The following NCBP1 variants were observed in gnomAD, a reference collection of about 807,000 sequenced individuals.
The protein encoded by NCBP1 is nuclear cap binding protein subunit 1.
A neutral mutation model predicts 111.7 loss-of-function variants in NCBP1; 16 were observed. The ratio of observed to expected loss-of-function variants is 0.14; its 90% confidence interval spans 0.10 to 0.22. The LOEUF (loss-of-function observed/expected upper bound fraction) is 0.22, where lower values mean the gene tolerates loss of function less well. NCBP1 is among the 10% of genes least tolerant of loss of function. The probability of loss-of-function intolerance (pLI) is 1.00; values close to 1 mark genes in which losing one functional copy is unlikely to be tolerated. For synonymous variants in NCBP1, 304 were observed against 314.3 expected, an observed-to-expected ratio of 0.97 and a Z score of 0.35; for missense variants, 607 against 957.5, an observed-to-expected ratio of 0.63 and a Z score of 4.83.
intron 1 of NCBP1, among the ~76,000 whole-genome samples, chr9:97,634,875 TCTC>T: frequency 6.6e-6 from 1 of 152,242 alleles, no homozygotes; most frequent in East Asian, 1.9e-4. Context: ...GGTTATGAAA[TCTC>T]CTTAAACTTT....
chr9:97,661,592 T>G (rs2131359830), intron 16 of NCBP1, among the ~76,000 whole-genome samples: 1 of 152,290 alleles, frequency 6.6e-6, no homozygotes, highest in Middle Eastern at 3.4e-3. Context: ...GGCCTTTGGG[T>G]ATTTATTACT....
chr9:97,668,207 G>A (rs1828066766), intron 20 of NCBP1, among the ~76,000 whole-genome samples: 1 of 152,206 alleles, frequency 6.6e-6, no homozygotes, highest in African/African-American at 2.4e-5. Flanking sequence ...ACTGGGTGAT[G>A]CTGGGAAAGT....
Position 97,668,881 on chromosome 9 carries a change from A to G in NCBP1, c.2052A>G (p.Lys684=). The G allele has an allele frequency of 6.2e-7, 1 of 1,613,940 alleles. No homozygotes were observed. The change falls in exon 21 of 23, where the codon AAA becomes AAG. Residue 684 remains lysine (K), a synonymous_variant. Coordinates refer to ENST00000375147, the MANE Select transcript of NCBP1 (RefSeq NM_002486.5). The part of the protein sequence containing the change: ...SDDDDRSSDR[K]DGVLEEQIER... ...ATGACGACAGAAGCAGTGACAGGAA[A>G]GACGGGGTTCTTGAGGAACAAATAG...
rs181515131 is a variant in NCBP1, at chr9:97,664,792, G to T, written c.1901+349G>T. Among the ~76,000 whole-genome samples the T allele has an allele frequency of 2.0e-5, 3 of 152,316 alleles. No homozygotes were observed. The East Asian group carries it at 5.8e-4, about 29-fold the overall frequency. On this transcript the variant is annotated intron_variant, in intron 19 of 22. Transcript: ENST00000375147. ...GAACTCGGGAAGGGTTCCAGCTTCAGTGGGGATGGCACCTAGAATGCACAC... is the reference window on the plus strand; with the variant it reads ...GAACTCGGGAAGGGTTCCAGCTTCATTGGGGATGGCACCTAGAATGCACAC...
At chr9:97,661,819 T>C (rs1827846884) in intron 16 of NCBP1, among the ~76,000 whole-genome samples, 1 of 148,456 alleles carries the variant, frequency 6.7e-6, no homozygotes, top group African/African-American at 2.5e-5. Flanking sequence ...GAATGGATGA[T>C]AGAATTAAGA....
chr9:97,654,930 T>C lies in NCBP1; in HGVS notation c.1221T>C (p.Thr407=). ...MLYMRLDTMN[T]TCVDRFINWF... ...ACATGCGTTTGGACACAATGAACAC[T>C]ACCTGTGTAGACAGGTACAGTAATC... Residue 407 remains threonine (T), a synonymous_variant, in exon 12 of 23, where the codon ACT becomes ACC. Transcript: ENST00000375147. 1.2e-6 allele frequency: 2 copies of C among 1,609,222 alleles called. No individual in the cohort carries two copies. The highest frequency in any genetic ancestry group is 1.1e-5 in the South Asian group (1 of 90,156).
chr9:97,669,667 T>C lies in NCBP1; in HGVS notation c.2220T>C (p.Tyr740=). The C allele has an allele frequency of 6.2e-7, 1 of 1,611,336 alleles. No individual in the cohort carries two copies. Among genetic ancestry groups the C allele is most frequent in the Non-Finnish European group, 8.5e-7 (1 of 1,177,518 alleles). The change falls in exon 22 of 23, where the codon TAT becomes TAC. Residue 740 remains tyrosine, a synonymous_variant. Transcript: ENST00000375147. The part of the protein sequence containing the change: ...TDGTSVLTPW[Y]KNCIERLQQI... ...GGACCAGTGTATTAACACCATGGTATAAGAACTGTATAGAGAGGCTGCAGC... is the reference window on the plus strand; with the variant it reads ...GGACCAGTGTATTAACACCATGGTACAAGAACTGTATAGAGAGGCTGCAGC...
chr9:97,666,790 T>C lies in NCBP1; in HGVS notation c.1929T>C (p.Ser643=), dbSNP rs1304802905. ...TGTTTGTTTGGGAAATTTTGCACTCTACAATTCGTAAGATGAACAAACATG... is the reference window on the plus strand; with the variant it reads ...TGTTTGTTTGGGAAATTTTGCACTCCACAATTCGTAAGATGAACAAACATG... ...TRLFVWEILH[S]TIRKMNKHVL... Residue 643 remains serine (S), a synonymous_variant, in exon 20 of 23, where the codon TCT becomes TCC. Transcript: ENST00000375147. 2.5e-6 allele frequency: 4 copies of C among 1,607,472 alleles called. No individual in the cohort carries two copies. Among genetic ancestry groups the C allele is most frequent in the Non-Finnish European group, 3.4e-6 (4 of 1,177,934 alleles).
intron 1 of NCBP1, among the ~76,000 whole-genome samples, chr9:97,639,095 T>C (rs1464327768): frequency 3.9e-5 from 6 of 152,182 alleles, no homozygotes; most frequent in African/African-American, 7.2e-5. Context: ...GTGCCACACA[T>C]GTCTACAACT....
At chr9:97,655,914 A>C in intron 13 of NCBP1, 97 bp from the exon 14 acceptor site, 1 of 1,372,550 alleles carries the variant, frequency 7.3e-7, no homozygotes, top group Non-Finnish European at 1.0e-6. Context: ...ACTTAACAAA[A>C]CTTGTAAGTT....
intron 1 of NCBP1, among the ~76,000 whole-genome samples, chr9:97,638,947 A>G (rs1383123258): frequency 6.6e-6 from 1 of 152,096 alleles, no homozygotes; most frequent in African/African-American, 2.4e-5. Flanking sequence ...TATTACATCA[A>G]TTATGCTTTT....
intron 8 of NCBP1, 49 bp from the exon 9 acceptor site, chr9:97,650,454 G>T (rs371277231): frequency 9.5e-6 from 13 of 1,372,888 alleles, no homozygotes; most frequent in Admixed American, 1.9e-5. Flanking sequence ...ATAAGTAAAA[G>T]AAATCTGTTT....
chr9:97,649,005 A>G (rs1233626729), intron 8 of NCBP1, among the ~76,000 whole-genome samples: 1 of 152,174 alleles, frequency 6.6e-6, no homozygotes, highest in Non-Finnish European at 1.5e-5. Context: ...CCTGTCCATA[A>G]TTATACTTAA....
Position 97,633,834 on chromosome 9 carries a change from A to C in NCBP1, c.-48A>C. 6.4e-7 allele frequency: 1 copy of C among 1,556,184 alleles called. No individual in the cohort carries two copies. The highest frequency in any genetic ancestry group is 8.6e-7 in the Non-Finnish European group (1 of 1,157,212). On this transcript the variant is annotated 5_prime_UTR_variant, in exon 1 of 23. Coordinates refer to ENST00000375147, the MANE Select transcript of NCBP1 (RefSeq NM_002486.5). ...CGGCCAGCGGCCAGACAGTTCCTGC[A>C]GCGCTTACCGCCTGGCCTCTCGGTT...
At chr9:97,656,516 A>T (rs979257258) in intron 14 of NCBP1, among the ~76,000 whole-genome samples, 2 of 152,136 alleles carry the variant, frequency 1.3e-5, no homozygotes, top group Non-Finnish European at 2.9e-5. Context: ...GCGCCACTGC[A>T]CTCCAATCTG....
chr9:97,668,873 G>A lies in NCBP1; in HGVS notation c.2044G>A (p.Asp682Asn). Residue 682 changes from aspartate (D) to asparagine (N), a missense_variant, in exon 21 of 23, where the codon GAC becomes AAC. By Grantham distance (23) the Asp-to-Asn change is conservative. Transcript: ENST00000375147. Reference sequence around the variant, plus strand: ...AAGTGATGATGACGACAGAAGCAGTGACAGGAAAGACGGGGTTCTTGAGGA... The same window carrying A: ...AAGTGATGATGACGACAGAAGCAGTAACAGGAAAGACGGGGTTCTTGAGGA... ...RRSDDDDRSS[D>N]RKDGVLEEQI... 1 of 1,613,640 alleles carries A rather than the reference G, an allele frequency of 6.2e-7. No individual in the cohort carries two copies. The highest frequency in any genetic ancestry group is 1.3e-5 in the African/African-American group (1 of 75,004).
rs370352009 is a variant in NCBP1, at chr9:97,651,392, G to A, written c.1059+19G>A. 33 of 1,607,444 alleles carry A rather than the reference G, an allele frequency of 2.1e-5. No homozygotes were observed. Among genetic ancestry groups the A allele is most frequent in the African/African-American group, 1.9e-4 (14 of 74,700 alleles). ...AGTTGAGGTATGAATTCCATGTGGA[G>A]CGTGTTTCTGAGTTTCAGAATCTTT... is the stretch of plus-strand genomic sequence containing the variant. On this transcript the variant is annotated intron_variant, in intron 10 of 22. Transcript: ENST00000375147.
At chr9:97,658,211 A>G (rs550065461) in intron 14 of NCBP1, among the ~76,000 whole-genome samples, 52 of 152,254 alleles carry the variant, frequency 3.4e-4, no homozygotes, top group African/African-American at 1.2e-3. Context: ...CTGTGTGTAT[A>G]TATGCCTCCA....
At chr9:97,655,079 A>G (rs528722661) in intron 12 of NCBP1, 135 bp downstream of exon 12, 1 of 637,194 alleles carries the variant, frequency 1.6e-6, no homozygotes, top group Admixed American at 3.6e-5. Flanking sequence ...ACCTTTGTAT[A>G]ATAACCAGAC....
Sources: gnomAD v4.1 joint callset for allele counts (sites outside exome capture counted in the v4.1 genomes callset) on GRCh38, gnomAD v4.1.1 for gene constraint, MANE v1.5 for transcripts, NCBI Gene and HGNC (gene_info 2026-07-23, HGNC 2026-07-21) for gene names.